TMTC1: variants seen among roughly 807,000 people sequenced by gnomAD.
TMTC1 encodes the protein protein O-mannosyl-transferase TMTC1.
A neutral mutation model predicts 104.8 loss-of-function variants in TMTC1; 73 were observed. The observed-to-expected ratio is 0.70, with a 90% CI of 0.58 to 0.85. The LOEUF (loss-of-function observed/expected upper bound fraction) is 0.85, where lower values mean the gene tolerates loss of function less well. Among genes scored for constraint, TMTC1 ranks in the 40% least tolerant of loss-of-function variants. TMTC1 has a pLI of 0.00. For missense variants in TMTC1, 1,035 were observed against 1,096.1 expected, an observed-to-expected ratio of 0.94 and a Z score of 0.79; for synonymous variants, 434 against 428.7, an observed-to-expected ratio of 1.01 and a Z score of -0.15.
At chr12:29,655,441 T>C (rs1939712425) in intron 5 of TMTC1, among the ~76,000 whole-genome samples, 2 of 152,158 alleles carry the variant, frequency 1.3e-5, no homozygotes, top group South Asian at 4.1e-4. Context: ...AGGAAAGAAA[T>C]CATCACAACT....
chr12:29,691,060 T>C (rs1253478267), intron 5 of TMTC1, among the ~76,000 whole-genome samples: 5 of 152,348 alleles, frequency 3.3e-5, no homozygotes, highest in Non-Finnish European at 7.3e-5. Flanking sequence ...ATCCCCTTCT[T>C]GCCTGGGACC....
chr12:29,617,533 CAACAGAGAGAGAGAGA>C (rs1344973432), intron 6 of TMTC1, among the ~76,000 whole-genome samples: 3 of 120,380 alleles, frequency 2.5e-5, no homozygotes, highest in African/African-American at 6.5e-5. Flanking sequence ...GCAAAACAGA[CAACAGAGAGAGAGAGA>C]GAGAGAGAGA....
chr12:29,579,862 TA>T (rs1219182445), intron 8 of TMTC1, among the ~76,000 whole-genome samples: 1 of 152,178 alleles, frequency 6.6e-6, no homozygotes, highest in Admixed American at 6.5e-5. Flanking sequence ...TAGCTTAGGT[TA>T]AAACACAATG....
At chr12:29,690,800 C>A (rs1252336031) in intron 5 of TMTC1, among the ~76,000 whole-genome samples, 1 of 152,190 alleles carries the variant, frequency 6.6e-6, no homozygotes, top group Non-Finnish European at 1.5e-5. Context: ...TTAATATCAG[C>A]ATTCAGTAAT....
intron 6 of TMTC1, among the ~76,000 whole-genome samples, chr12:29,631,631 GT>G (rs1281472574): frequency 6.6e-6 from 1 of 152,076 alleles, no homozygotes; most frequent in Non-Finnish European, 1.5e-5. Flanking sequence ...ACACACTCCT[GT>G]TTCTTCGTAT....
chr12:29,720,789 T>C (rs1322640946), intron 5 of TMTC1, among the ~76,000 whole-genome samples: 2 of 152,070 alleles, frequency 1.3e-5, no homozygotes, highest in Non-Finnish European at 2.9e-5. Context: ...AAGAAGCCCA[T>C]TCCACAGGTT....
intron 5 of TMTC1, among the ~76,000 whole-genome samples, chr12:29,676,788 C>T (rs778192766): frequency 6.6e-5 from 10 of 152,274 alleles, no homozygotes; most frequent in South Asian, 2.1e-4. Context: ...ATGATGCCCT[C>T]GTGCAGCCAA....
intron 5 of TMTC1, among the ~76,000 whole-genome samples, chr12:29,705,051 A>C (rs1941702439): frequency 1.3e-5 from 2 of 152,256 alleles, no homozygotes; most frequent in African/African-American, 4.8e-5. Flanking sequence ...AGGTCTACTG[A>C]TGGAAGAAGA....
intron 2 of TMTC1, among the ~76,000 whole-genome samples, chr12:29,759,191 A>G (rs1943286189): frequency 6.6e-6 from 1 of 152,210 alleles, no homozygotes; most frequent in Admixed American, 6.5e-5. Context: ...TAAGTTGAGA[A>G]TCAATACTTT....
At chr12:29,603,704 T>C (rs1946625823) in intron 7 of TMTC1, among the ~76,000 whole-genome samples, 1 of 152,206 alleles carries the variant, frequency 6.6e-6, no homozygotes. Flanking sequence ...TTCTAGTTTT[T>C]AAATCATTGT....
intron 5 of TMTC1, among the ~76,000 whole-genome samples, chr12:29,713,996 A>G (rs1406581022): frequency 6.6e-6 from 1 of 152,104 alleles, no homozygotes. Context: ...TAAGGACACA[A>G]CATTCTTTCT....
intron 5 of TMTC1, among the ~76,000 whole-genome samples, chr12:29,670,835 G>C (rs945736868): frequency 6.0e-5 from 9 of 150,150 alleles, no homozygotes; most frequent in African/African-American, 2.2e-4. Context: ...GGAAACTGAG[G>C]TGGGAGGATT....
intron 8 of TMTC1, among the ~76,000 whole-genome samples, chr12:29,578,831 G>A (rs757160897): frequency 2.6e-5 from 4 of 152,138 alleles, no homozygotes; most frequent in Non-Finnish European, 5.9e-5. Context: ...AAAAGGAAAG[G>A]AAGAAGAATT....
intron 10 of TMTC1, among the ~76,000 whole-genome samples, chr12:29,536,542 G>GT (rs1944649477): frequency 6.6e-6 from 1 of 152,106 alleles, no homozygotes; most frequent in South Asian, 2.1e-4. Flanking sequence ...TACGCTTCAG[G>GT]TTATCCACTT....
chr12:29,696,134 G>T (rs919391648), intron 5 of TMTC1, among the ~76,000 whole-genome samples: 1 of 151,910 alleles, frequency 6.6e-6, no homozygotes, highest in African/African-American at 2.4e-5. Flanking sequence ...AATAAATTTT[G>T]CTCTTTATTT....
chr12:29,646,061 T>C (rs1185995628), intron 5 of TMTC1, among the ~76,000 whole-genome samples: 1 of 152,114 alleles, frequency 6.6e-6, no homozygotes, highest in African/African-American at 2.4e-5. Context: ...CATGGCATCA[T>C]ATGGTCTCCC....
intron 6 of TMTC1, among the ~76,000 whole-genome samples, chr12:29,605,318 A>G (rs1384302249): frequency 6.6e-6 from 1 of 152,138 alleles, no homozygotes; most frequent in African/African-American, 2.4e-5. Context: ...TACAAAGTAT[A>G]ACGATTTTAA....
chr12:29,656,419 A>G (rs1455173442), intron 5 of TMTC1, among the ~76,000 whole-genome samples: 1 of 148,832 alleles, frequency 6.7e-6, no homozygotes, highest in Non-Finnish European at 1.5e-5. Flanking sequence ...GAGTGGTGCA[A>G]TCTCGGCTCA....
intron 12 of TMTC1, among the ~76,000 whole-genome samples, 196 bp from the exon 13 acceptor site, chr12:29,518,803 T>C (rs796522485): frequency 2.0e-5 from 3 of 152,350 alleles, no homozygotes; most frequent in African/African-American, 7.2e-5. Flanking sequence ...CACTGTTCAT[T>C]CATACTTCCA....
Sources: allele counts gnomAD v4.1 joint callset (sites outside exome capture counted in the v4.1 genomes callset), GRCh38; gene constraint gnomAD v4.1.1; transcripts MANE v1.5; gene names NCBI Gene and HGNC (gene_info 2026-07-23, HGNC 2026-07-21).